Variants in CACNA1I observed in about 807,000 individuals in gnomAD.
CACNA1I encodes voltage-dependent T-type calcium channel subunit alpha-1I.
CACNA1I carries 74 observed loss-of-function variants against 201.6 expected under a neutral mutation model. That is an observed-to-expected ratio of 0.37 (90% CI 0.30 to 0.45). The LOEUF (loss-of-function observed/expected upper bound fraction) is 0.45. Ranked by LOEUF, CACNA1I falls within the 20% of genes least tolerant of loss-of-function variation. The pLI is 1.00. For synonymous variants in CACNA1I, 1,431 were observed against 1,345.2 expected, an observed-to-expected ratio of 1.06 and a Z score of -1.40; for missense variants, 2,346 against 3,138.1, an observed-to-expected ratio of 0.75 and a Z score of 6.03.
chr22:39,630,030 G>T (rs986684966), intron 4 of CACNA1I, among the ~76,000 whole-genome samples: 2 of 152,160 alleles, frequency 1.3e-5, no homozygotes, highest in East Asian at 3.9e-4. Context: ...CCCCCCAGCC[G>T]CATGGTCTCC....
rs1935333155 is a variant in CACNA1I, at chr22:39,670,334, A to C, written c.4387+104A>C. On this transcript the variant is annotated intron_variant, in intron 25 of 36. Transcript: ENST00000402142. ...CTTTGGAGCTGGAAGGGAACAAAAG[A>C]TACAGCCCCTGTGCCCAGGGCTCAG... 4 of 1,196,320 alleles carry C rather than the reference A, an allele frequency of 3.3e-6. No homozygotes were observed. In the South Asian group the frequency reaches 5.9e-5, roughly 18 times the overall value. 74.1% of individuals were successfully genotyped at this position (1,196,320 alleles called of 1,614,324 possible).
chr22:39,621,961 C>T (rs1358135949), intron 4 of CACNA1I, among the ~76,000 whole-genome samples: 1 of 152,162 alleles, frequency 6.6e-6, no homozygotes, highest in Non-Finnish European at 1.5e-5. Context: ...CCACATTTAA[C>T]AAATGAGGAA....
intron 10 of CACNA1I, among the ~76,000 whole-genome samples, chr22:39,650,305 T>TAAAA (rs136831): frequency 6.9e-6 from 1 of 143,902 alleles, no homozygotes; most frequent in Non-Finnish European, 1.5e-5. Flanking sequence ...TTTTCTTCTT[T>TAAAA]AAAAAAAAAA....
Position 39,661,164 on chromosome 22 carries a change from C to T in CACNA1I, c.2755C>T (p.Pro919Ser), listed in dbSNP as rs2146448296. 6.2e-7 allele frequency: 1 copy of T among 1,613,248 alleles called. No homozygotes were observed. Among genetic ancestry groups the T allele is most frequent in the South Asian group, 1.1e-5 (1 of 91,024 alleles). Residue 919 changes from proline (P) to serine (S), a missense_variant, in exon 16 of 37, where the codon CCA (proline) becomes TCA (serine). By Grantham distance (74) the Pro-to-Ser change is moderately conservative. Coordinates refer to ENST00000402142, the MANE Select transcript of CACNA1I (RefSeq NM_021096.4). ...CAATGGGCACCTGGACCCCAGTCTC[C>T]CACTGGGTGGGCACCTAGGTCCTGC... ...TPNGHLDPSL[P>S]LGGHLGPAGA...
At chr22:39,651,631 A>C (rs1460116138) in intron 10 of CACNA1I, among the ~76,000 whole-genome samples, 1 of 152,112 alleles carries the variant, frequency 6.6e-6, no homozygotes, top group Non-Finnish European at 1.5e-5. Flanking sequence ...CCAGTCTCCA[A>C]GTGGGGCAGC....
chr22:39,580,357 C>G (rs530655925), intron 1 of CACNA1I, among the ~76,000 whole-genome samples: 1 of 152,194 alleles, frequency 6.6e-6, no homozygotes, highest in Non-Finnish European at 1.5e-5. Context: ...CGGGCCAGAG[C>G]GGAGGCTGCA....
In CACNA1I at chr22:39,648,174, A is replaced by G. The variant is rs768313370; in HGVS notation, c.1567+248A>G. 6.6e-6 allele frequency among the ~76,000 whole-genome samples: 1 copy of G among 151,894 alleles called. No homozygotes were observed. The highest frequency in any genetic ancestry group is 2.4e-5 in the African/African-American group (1 of 41,344). On this transcript the variant is annotated intron_variant, in intron 9 of 36. Transcript: ENST00000402142. This position sits in a 1 kb window ranked among gnomAD's most constrained non-coding sequence, Gnocchi z 5.4. ...TCCAGCTCTCACAGTCTGGGAATCG[A>G]TTCTTGGGAGGCAAGCAGAAGAATG...
At chr22:39,663,367 A>C (rs1383467528) in intron 18 of CACNA1I, among the ~76,000 whole-genome samples, 2 of 152,166 alleles carry the variant, frequency 1.3e-5, no homozygotes, top group Admixed American at 6.5e-5. Context: ...GGGGCTGTGA[A>C]GAGGAGGAGC....
chr22:39,658,260 C>A lies in CACNA1I; in HGVS notation c.2101C>A (p.Arg701Ser). 6.2e-7 allele frequency: 1 copy of A among 1,613,958 alleles called. No homozygotes were observed. Among genetic ancestry groups the A allele is most frequent in the Non-Finnish European group, 8.5e-7 (1 of 1,179,872 alleles). ...TGCATTTGGGCTCTTCGACTACCTG[C>A]GTAACCCCTACAACATCTTCGACAG... ...LAAFGLFDYL[R>S]NPYNIFDSII... The change falls in exon 11 of 37, where the codon CGT becomes AGT. Residue 701 changes from arginine (R) to serine (S), a missense_variant. Around this residue, in one of 13 missense-constraint regions of CACNA1I, gnomAD observed 155 missense variants for 300.8 expected, o/e 0.52. Transcript: ENST00000402142.
intron 2 of CACNA1I, among the ~76,000 whole-genome samples, chr22:39,598,836 G>A (rs74777431): frequency 0.13 from 19,413 of 151,554 alleles, 2,028 homozygotes; most frequent in African/African-American, 0.29. Flanking sequence ...TATACGGGTA[G>A]CACAGATGTT....
intron 10 of CACNA1I, among the ~76,000 whole-genome samples, chr22:39,657,131 G>A (rs749418299): frequency 4.1e-4 from 62 of 152,162 alleles, no homozygotes; most frequent in Admixed American, 6.5e-4. Context: ...AACCAAACCC[G>A]GACCCCTCCA....
chr22:39,677,538 A>G lies in CACNA1I; in HGVS notation c.4933+119A>G, dbSNP rs1396295298. ...TCACATCAGGGTCTTTGTATTGGGG[A>G]GATGCCTACAGCAGGGCCCTCAGCT... On this transcript the variant is annotated intron_variant, in intron 30 of 36. Transcript: ENST00000402142. The surrounding 1 kb of genome is among the most constrained non-coding windows in gnomAD (Gnocchi z 4.8). 5.8e-6 allele frequency: 4 copies of G among 684,830 alleles called. No homozygotes were observed. The highest frequency in any genetic ancestry group is 9.5e-6 in the Non-Finnish European group (4 of 420,410). The allele number at this position is 684,830 out of a possible 1,614,324, so 42.4% of individuals were successfully genotyped here. A position where few individuals can be genotyped will look rare whatever the true frequency, so the allele number is the denominator to read the frequency against.
chr22:39,664,905 G>A lies in CACNA1I; in HGVS notation c.3833G>A (p.Arg1278His). 6.2e-7 allele frequency: 1 copy of A among 1,612,246 alleles called. No individual in the cohort carries two copies. Among genetic ancestry groups the A allele is most frequent in the Non-Finnish European group, 8.5e-7 (1 of 1,179,806 alleles). The change falls in exon 21 of 37, where the codon CGC (arginine) becomes CAC (histidine). Residue 1278 changes from arginine (R) to histidine (H), a missense_variant. Arg to His is a conservative substitution (Grantham distance 29). Coordinates refer to ENST00000402142, the MANE Select transcript of CACNA1I (RefSeq NM_021096.4). ...GTCCTCCGAGTCTTGCGGCTCCTGC[G>A]CACCCTACGCCCCCTGCGGTGAGGA... ...LGVLRVLRLL[R>H]TLRPLRVISR...
chr22:39,656,721 A>T (rs751991980), intron 10 of CACNA1I: 33 of 518,932 alleles, frequency 6.4e-5, no homozygotes, highest in Non-Finnish European at 3.8e-6. Context: ...TTTGGAGTCC[A>T]GCTTGGTTCA....
Position 39,679,071 on chromosome 22 carries a change from T to C in CACNA1I, c.5056-36T>C, listed in dbSNP as rs370530244. The stretch of plus-strand genomic sequence containing the variant: ...TGCCTCCAGCAGCCTCTGGGATGTC[T>C]CCGTCCTCATCCTCACCGCCCTCCC... On this transcript the variant is annotated intron_variant, in intron 31 of 36. Coordinates refer to ENST00000402142, the MANE Select transcript of CACNA1I (RefSeq NM_021096.4). 2.5e-5 allele frequency: 38 copies of C among 1,503,594 alleles called. No individual in the cohort carries two copies. The East Asian group carries it at 2.7e-4, about 11-fold the overall frequency. The allele number at this position is 1,503,594 out of a possible 1,614,324, so 93.1% of individuals were successfully genotyped here.
At position 39,684,192 on chromosome 22, in the gene CACNA1I, G is replaced by A. The variant is rs1156302900; in HGVS notation, c.5831-110G>A. 3 of 820,636 alleles carry A rather than the reference G, an allele frequency of 3.7e-6. No homozygotes were observed. The African/African-American group carries it at 5.1e-5, about 14-fold the overall frequency. 50.8% of individuals were successfully genotyped at this position (820,636 alleles called of 1,614,324 possible). ...CCACAGTCTCACAGTCAGTTTATTA[G>A]GTGGCCCCTCACTGCTGGCCCAGTG... is the stretch of plus-strand genomic sequence containing the variant. On this transcript the variant is annotated intron_variant, in intron 35 of 36. Transcript: ENST00000402142. This position sits in a 1 kb window ranked among gnomAD's most constrained non-coding sequence, Gnocchi z 4.6.
chr22:39,636,237 T>C (rs550131406), intron 5 of CACNA1I, among the ~76,000 whole-genome samples: 4 of 152,220 alleles, frequency 2.6e-5, no homozygotes, highest in African/African-American at 9.6e-5. Context: ...CCAGGCCCCA[T>C]GAGATGGCCC....
chr22:39,685,096 G>A lies in CACNA1I; in HGVS notation c.6027+598G>A, dbSNP rs1313916748. On this transcript the variant is annotated intron_variant, in intron 36 of 36. Coordinates refer to ENST00000402142, the MANE Select transcript of CACNA1I (RefSeq NM_021096.4). This position sits in a 1 kb window ranked among gnomAD's most constrained non-coding sequence, Gnocchi z 5.0. ...GATTCACTGGGTGACTGTCTGACCC[G>A]TCACACCAGGCTGTGTGCTCTGGCG... 1.2e-5 allele frequency: 2 copies of A among 171,950 alleles called. No homozygotes were observed. The highest frequency in any genetic ancestry group is 1.1e-4 in the Admixed American group (2 of 18,002). 10.7% of individuals were successfully genotyped at this position (171,950 alleles called of 1,614,324 possible). A position where few individuals can be genotyped will look rare whatever the true frequency, so the allele number is the denominator to read the frequency against.
chr22:39,662,109 C>A lies in CACNA1I; in HGVS notation c.3046C>A (p.Arg1016=). 6.5e-7 allele frequency: 1 copy of A among 1,527,590 alleles called. No homozygotes were observed. The highest frequency in any genetic ancestry group is 8.8e-7 in the Non-Finnish European group (1 of 1,141,482). 94.6% of individuals were successfully genotyped at this position (1,527,590 alleles called of 1,614,324 possible). Reference sequence around the variant, plus strand: ...CTCTGCGGAGCGCGGCGGCGGCGCCCGGGTCTGCGAGGTTGCCGCGGACGA... The same window carrying A: ...CTCTGCGGAGCGCGGCGGCGGCGCCAGGGTCTGCGAGGTTGCCGCGGACGA... ...LLSAERGGGA[R]VCEVAADEGP... is the part of the protein sequence containing the mutation. The change falls in exon 17 of 37, where the codon CGG becomes AGG. Residue 1016 remains arginine, a synonymous_variant. Transcript: ENST00000402142.
Sources: allele counts gnomAD v4.1 joint callset (sites outside exome capture counted in the v4.1 genomes callset), GRCh38; gene constraint gnomAD v4.1.1; regional missense constraint gnomAD v4.1.1; non-coding constraint Gnocchi (gnomAD v3.1); transcripts MANE v1.5; gene names NCBI Gene and HGNC (gene_info 2026-07-23, HGNC 2026-07-21).